Variants in RYR2 observed in about 807,000 individuals in gnomAD.
The protein encoded by RYR2 is cardiac muscle ryanodine receptor-calcium release channel.
Under a neutral mutation model 601.1 loss-of-function variants are expected in RYR2, and 227 were observed. The ratio of observed to expected loss-of-function variants is 0.38; its 90% CI spans 0.34 to 0.42. RYR2 has a LOEUF of 0.42. Among genes scored for constraint, RYR2 ranks in the 10% least tolerant of loss-of-function variants. The pLI, the probability that RYR2 is intolerant of heterozygous loss-of-function variation, is 1.00. For synonymous variants in RYR2, 2,223 were observed against 2,175.1 expected, an observed-to-expected ratio of 1.02 and a Z score of -0.61; for missense variants, 4,646 against 6,156.5, an observed-to-expected ratio of 0.75 and a Z score of 8.21.
intron 2 of RYR2, among the ~76,000 whole-genome samples, chr1:237,273,084 C>T (rs1022454986): frequency 1.3e-5 from 2 of 152,050 alleles, no homozygotes; most frequent in East Asian, 1.9e-4. Context: ...ATTATTATTA[C>T]ATTGTAATAT....
At chr1:237,208,956 A>AT (rs1682161286) in intron 1 of RYR2, among the ~76,000 whole-genome samples, 1 of 98,044 alleles carries the variant, frequency 1.0e-5, no homozygotes, top group Non-Finnish European at 2.2e-5. Context: ...ATATATATAT[A>AT]TATATATATA....
intron 36 of RYR2, among the ~76,000 whole-genome samples, chr1:237,611,880 T>A (rs1028843591): frequency 5.3e-5 from 8 of 152,136 alleles, no homozygotes; most frequent in Non-Finnish European, 1.0e-4. Flanking sequence ...CCTCAAAAAA[T>A]AAAATTATAG....
At chr1:237,243,899 G>A (rs11806248) in intron 1 of RYR2, among the ~76,000 whole-genome samples, 27,175 of 152,124 alleles carry the variant, frequency 0.18, 2,620 homozygotes, top group Non-Finnish European at 0.23. Context: ...GTCACCAGCC[G>A]CTCCAGTCAC....
intron 14 of RYR2, among the ~76,000 whole-genome samples, chr1:237,450,857 C>A (rs184154399): frequency 7.0e-4 from 106 of 152,248 alleles, no homozygotes; most frequent in African/African-American, 2.4e-3. Context: ...TTCTCTTGTG[C>A]TTAACTGACC....
intron 56 of RYR2, among the ~76,000 whole-genome samples, chr1:237,664,426 G>C (rs1484552933): frequency 6.6e-6 from 1 of 152,200 alleles, no homozygotes; most frequent in East Asian, 1.9e-4. Flanking sequence ...AATTTCAAAA[G>C]AAAGAGGTTC....
At chr1:237,373,421 C>G (rs889090800) in intron 6 of RYR2, among the ~76,000 whole-genome samples, 1 of 152,208 alleles carries the variant, frequency 6.6e-6, no homozygotes, top group Non-Finnish European at 1.5e-5. Flanking sequence ...CAGACACACA[C>G]CTAGCTGGAT....
At chr1:237,312,169 G>T (rs756335831) in intron 2 of RYR2, among the ~76,000 whole-genome samples, 1 of 152,262 alleles carries the variant, frequency 6.6e-6, no homozygotes, top group African/African-American at 2.4e-5. Context: ...GTTATGAAGG[G>T]TGTTCATAAA....
chr1:237,262,917 G>T (rs1171845442), intron 1 of RYR2, among the ~76,000 whole-genome samples: 1 of 151,974 alleles, frequency 6.6e-6, no homozygotes, highest in Non-Finnish European at 1.5e-5. Context: ...TTTTTTTAAT[G>T]ACTAGAGTTA....
intron 88 of RYR2, among the ~76,000 whole-genome samples, chr1:237,779,673 G>A (rs1211776260): frequency 1.3e-5 from 2 of 152,172 alleles, no homozygotes; most frequent in African/African-American, 2.4e-5. Context: ...CAGCAGGGCT[G>A]GATGCTAGTA....
chr1:237,283,516 T>C (rs1691123315), intron 2 of RYR2, among the ~76,000 whole-genome samples: 1 of 152,182 alleles, frequency 6.6e-6, no homozygotes, highest in Non-Finnish European at 1.5e-5. Context: ...TTGAAGGAAG[T>C]AGAGCCTCAA....
chr1:237,296,429 AC>A (rs1434131589), intron 2 of RYR2, among the ~76,000 whole-genome samples: 1 of 152,200 alleles, frequency 6.6e-6, no homozygotes, highest in Admixed American at 6.6e-5. Context: ...GTAAAGAAAT[AC>A]TTTGATTCAG....
At chr1:237,417,167 A>G (rs754242707) in intron 11 of RYR2, 44 bp downstream of exon 11, 1 of 1,458,554 alleles carries the variant, frequency 6.9e-7, no homozygotes, top group South Asian at 1.1e-5. Context: ...CAAGTGTACC[A>G]AATAGCTCAG....
intron 24 of RYR2, among the ~76,000 whole-genome samples, chr1:237,520,663 C>T (rs914427199): frequency 2.0e-5 from 3 of 152,126 alleles, no homozygotes; most frequent in African/African-American, 7.2e-5. Flanking sequence ...CCACTTAACT[C>T]CTGAAAACAT....
intron 25 of RYR2, among the ~76,000 whole-genome samples, chr1:237,536,021 T>A (rs1209134952): frequency 6.6e-6 from 1 of 151,994 alleles, no homozygotes; most frequent in Non-Finnish European, 1.5e-5. Context: ...ACAATATAAG[T>A]CACTACTACT....
At chr1:237,288,405 C>G (rs2149408186) in intron 2 of RYR2, among the ~76,000 whole-genome samples, 1 of 151,934 alleles carries the variant, frequency 6.6e-6, no homozygotes, top group South Asian at 2.1e-4. Context: ...CTTCTGCTAC[C>G]AGGGTGGATA....
At chr1:237,293,587 A>AT (rs1692459746) in intron 2 of RYR2, among the ~76,000 whole-genome samples, 1 of 152,162 alleles carries the variant, frequency 6.6e-6, no homozygotes, top group South Asian at 2.1e-4. Flanking sequence ...AGGGGTTCCC[A>AT]TGATCCCCCT....
At chr1:237,329,333 C>T (rs980584052) in intron 2 of RYR2, among the ~76,000 whole-genome samples, 4 of 151,884 alleles carry the variant, frequency 2.6e-5, no homozygotes, top group Non-Finnish European at 4.4e-5. Flanking sequence ...CAGCCATGTG[C>T]CTTTTTTTAT....
At chr1:237,221,145 G>C (rs1233301703) in intron 1 of RYR2, among the ~76,000 whole-genome samples, 1 of 152,086 alleles carries the variant, frequency 6.6e-6, no homozygotes, top group Non-Finnish European at 1.5e-5. Context: ...ACAAATTGGG[G>C]ATAGGTCTGC....
At position 237,216,752 on chromosome 1, in the gene RYR2, CAAAA is replaced by C. The variant is rs11316763; in HGVS notation, c.49-53735_49-53732del. On this transcript the variant is annotated intron_variant, in intron 1 of 104. Transcript: ENST00000366574. ...CTCCTTTTCTTAAAACACCCCCCAC[CAAAA>C]AAAAAAAAACAAAAAACAAAACAAA... 4.4e-3 allele frequency among the ~76,000 whole-genome samples: 490 copies of C among 110,932 alleles called. 3 individuals carry two copies. Among genetic ancestry groups the C allele is most frequent in the African/African-American group, 0.015 (467 of 31,202 alleles). The allele number at this position is 110,932 out of a possible 152,430, so 72.8% of individuals were successfully genotyped here. A position where few individuals can be genotyped will look rare whatever the true frequency, so the allele number is the denominator to read the frequency against.
Sources: gnomAD v4.1 joint callset for allele counts (sites outside exome capture counted in the v4.1 genomes callset) on GRCh38, gnomAD v4.1.1 for gene constraint, MANE v1.5 for transcripts, NCBI Gene and HGNC (gene_info 2026-07-23, HGNC 2026-07-21) for gene names.